INTS2: variants seen among roughly 807,000 people sequenced by gnomAD.
INTS2 encodes the protein KIAA1287.
A neutral mutation model predicts 139.6 loss-of-function variants in INTS2; 57 were observed. That is an observed-to-expected ratio of 0.41 (90% confidence interval 0.33 to 0.51). INTS2 has a LOEUF of 0.51. Ranked by LOEUF, INTS2 falls within the 20% of genes least tolerant of loss-of-function variation. The pLI, the probability that INTS2 is intolerant of heterozygous loss-of-function variation, is 0.28. For synonymous variants in INTS2, 473 were observed against 493.4 expected (o/e 0.96, Z 0.55); for missense variants, 1,196 against 1,436.7 (o/e 0.83, Z 2.71).
At chr17:61,905,245 A>AT (rs914023412) in intron 8 of INTS2, among the ~76,000 whole-genome samples, 4 of 149,670 alleles carry the variant, frequency 2.7e-5, no homozygotes, top group South Asian at 2.1e-4. Context: ...CCAGCCAGGA[A>AT]TTTTTTTTTT....
intron 8 of INTS2, 21 bp downstream of exon 8, chr17:61,907,387 A>G: frequency 6.5e-7 from 1 of 1,536,990 alleles, no homozygotes; most frequent in Non-Finnish European, 8.8e-7. Flanking sequence ...CAAAAAGGTA[A>G]AATATCAAAC....
chr17:61,907,297 G>A (rs2079475736), intron 8 of INTS2, 111 bp downstream of exon 8: 1 of 833,012 alleles, frequency 1.2e-6, no homozygotes, highest in Non-Finnish European at 1.9e-6. Context: ...CACTACCTGA[G>A]TCCAACAGAA....
Position 61,926,780 on chromosome 17 carries a change from T to C in INTS2, c.-18-118A>G, listed in dbSNP as rs1483604257. On this transcript the variant is annotated intron_variant, in intron 1 of 24. Coordinates refer to ENST00000251334, the MANE Select transcript of INTS2 (RefSeq NM_001351695.2). ...TTAATAGGTCCCTATGTTGGCAATG[T>C]TCCTGGCACAATCAAGACAAGGCTT... is the stretch of plus-strand genomic sequence containing the variant. The C allele has an allele frequency of 3.2e-5, 25 of 781,082 alleles. No homozygotes were observed. In the Admixed American group the frequency reaches 4.7e-4, roughly 15 times the overall value. The allele number at this position is 781,082 out of a possible 1,614,324, so 48.4% of individuals were successfully genotyped here.
At chr17:61,895,475 TAAATGTTC>T in intron 11 of INTS2, 92 bp from the exon 12 acceptor site, 1 of 689,342 alleles carries the variant, frequency 1.5e-6, no homozygotes, top group Non-Finnish European at 2.4e-6. Context: ...ATGATACACA[TAAATGTTC>T]AAATGTTCAA....
At chr17:61,883,686 A>G (rs963089204) in intron 16 of INTS2, among the ~76,000 whole-genome samples, 11 of 151,926 alleles carry the variant, frequency 7.2e-5, no homozygotes, top group Non-Finnish European at 1.5e-4. Flanking sequence ...TGGGAGAAGA[A>G]AGTTGAAGTG....
chr17:61,913,665 A>T (rs1464863612), intron 5 of INTS2, among the ~76,000 whole-genome samples: 2 of 152,078 alleles, frequency 1.3e-5, no homozygotes, highest in African/African-American at 4.8e-5. Flanking sequence ...AAAATTTTAT[A>T]CCCTTTGAAA....
In INTS2 at chr17:61,926,439, C is replaced by A; in HGVS notation, c.206G>T (p.Gly69Val). The A allele has an allele frequency of 1.2e-6, 2 of 1,613,972 alleles. No individual in the cohort carries two copies. The highest frequency in any genetic ancestry group is 1.7e-6 in the Non-Finnish European group (2 of 1,179,874). Residue 69 changes from glycine (G) to valine (V), a missense_variant, in exon 2 of 25, where the codon GGA (glycine) becomes GTA (valine). This residue lies in a region of INTS2 where 31 missense variants were observed against 64.8 expected (regional missense o/e 0.48). Transcript: ENST00000251334. ...AACAATGGAGTTGACAGCTTCCACT[C>A]CAGAAAGAAGGCGAAGGATGAGTTT... The part of the protein sequence containing the change: ...DKKLILRLLS[G>V]VEAVNSIVAL...
rs1327260889 is a variant in INTS2 at position 61,926,449 on chromosome 17, G to T, written c.196C>A (p.Leu66Ile). 6.2e-7 allele frequency: 1 copy of T among 1,613,992 alleles called. No homozygotes were observed. The highest frequency in any genetic ancestry group is 2.2e-5 in the East Asian group (1 of 44,886). Residue 66 changes from leucine to isoleucine, a missense_variant, in exon 2 of 25, where the codon CTT (leucine) becomes ATT (isoleucine). Around this residue, in one of 3 missense-constraint regions of INTS2, gnomAD observed 31 missense variants for 64.8 expected, o/e 0.48. Transcript: ENST00000251334. ...TTGACAGCTTCCACTCCAGAAAGAA[G>T]GCGAAGGATGAGTTTCTTATCCTGA... ...WAQDKKLILRLLSGVEAVNSI... is the reference protein window; with the variant it reads ...WAQDKKLILRILSGVEAVNSI...
At position 61,897,683 on chromosome 17, in the gene INTS2, T is replaced by G; in HGVS notation, c.1364A>C (p.Glu455Ala). The change falls in exon 10 of 25, where the codon GAA becomes GCA. Residue 455 changes from glutamate (E) to alanine (A), a missense_variant. By Grantham distance (107) the Glu-to-Ala change is moderately radical. Transcript: ENST00000251334. This position sits in a 1 kb window ranked among gnomAD's most constrained non-coding sequence, Gnocchi z 4.4. ...ATTATCTTACCTCTCAAAATACGCT[T>G]CTTCTTTTATCATCCAACTTAGCCA... is the stretch of plus-strand genomic sequence containing the variant. Reference protein sequence around the residue: ...VVWLSWMIKEEAYFESTSGVS... With the variant: ...VVWLSWMIKEAAYFESTSGVS... The G allele has an allele frequency of 3.1e-6, 5 of 1,606,790 alleles. No individual in the cohort carries two copies. Among genetic ancestry groups the G allele is most frequent in the Non-Finnish European group, 4.3e-6 (5 of 1,176,272 alleles).
intron 19 of INTS2, among the ~76,000 whole-genome samples, chr17:61,874,379 TATC>T (rs1321473484): frequency 6.6e-6 from 1 of 152,210 alleles, no homozygotes; most frequent in Non-Finnish European, 1.5e-5. Context: ...TGATAGTACT[TATC>T]ATAACAAGTG....
In INTS2 at chr17:61,897,437, T is replaced by G; in HGVS notation, c.1494+32A>C. On this transcript the variant is annotated intron_variant, in intron 11 of 24. Coordinates refer to ENST00000251334, the MANE Select transcript of INTS2 (RefSeq NM_001351695.2). The surrounding 1 kb of genome is among the most constrained non-coding windows in gnomAD (Gnocchi z 4.4). ...AAATGTCCAGCTTAGAAACACCTTT[T>G]TTTTTTTAGAAAGAAGTTAAAAGAA... 1 of 1,337,938 alleles carries G rather than the reference T, an allele frequency of 7.5e-7. No homozygotes were observed. The highest frequency in any genetic ancestry group is 1.5e-5 in the African/African-American group (1 of 67,142). The allele number at this position is 1,337,938 out of a possible 1,614,324, so 82.9% of individuals were successfully genotyped here. A position where few individuals can be genotyped will look rare whatever the true frequency, so the allele number is the denominator to read the frequency against.
At position 61,909,488 on chromosome 17, in the gene INTS2, T is replaced by C. The variant is rs2079500491; in HGVS notation, c.955-1854A>G. 6.6e-6 allele frequency among the ~76,000 whole-genome samples: 1 copy of C among 152,276 alleles called. No homozygotes were observed. Among genetic ancestry groups the C allele is most frequent in the Non-Finnish European group, 1.5e-5 (1 of 68,022 alleles). On this transcript the variant is annotated intron_variant, in intron 7 of 24. Transcript: ENST00000251334. The surrounding 1 kb of genome is among the most constrained non-coding windows in gnomAD (Gnocchi z 4.9). ...ATCTATTGCATAGAAGTCTGGGCTG[T>C]TGGTGTAGTCATCACCCTGATAGTA...
In INTS2 at chr17:61,926,347, A is replaced by G; in HGVS notation, c.293+5T>C. The G allele has an allele frequency of 3.2e-6, 5 of 1,579,990 alleles. No homozygotes were observed. Among genetic ancestry groups the G allele is most frequent in the Non-Finnish European group, 4.3e-6 (5 of 1,159,216 alleles). On this transcript the variant is annotated splice_donor_5th_base_variant and intron_variant, in intron 2 of 24. Transcript: ENST00000251334. ...AAATCCACATATAATATAACATAACATTACCTAAGCTGCTGTTCTTTGCTG... is the reference window on the plus strand; with the variant it reads ...AAATCCACATATAATATAACATAACGTTACCTAAGCTGCTGTTCTTTGCTG...
At chr17:61,918,492 T>A (rs768199387) in intron 5 of INTS2, among the ~76,000 whole-genome samples, 29 of 152,094 alleles carry the variant, frequency 1.9e-4, no homozygotes, top group Non-Finnish European at 3.1e-4. Flanking sequence ...TGCACCCACC[T>A]CGGCCTCCCC....
intron 15 of INTS2, among the ~76,000 whole-genome samples, chr17:61,889,011 C>A (rs1439074972): frequency 1.4e-5 from 2 of 141,090 alleles, no homozygotes; most frequent in Non-Finnish European, 3.0e-5. Flanking sequence ...GGCAACAGAG[C>A]AAGACTGTCA....
At chr17:61,889,764 C>T (rs756621260) in intron 15 of INTS2, 22 bp downstream of exon 15, 2 of 1,202,920 alleles carry the variant, frequency 1.7e-6, no homozygotes, top group Non-Finnish European at 2.4e-6. Flanking sequence ...CCACTAGAAC[C>T]ACTCCTCTAC....
In INTS2 at chr17:61,866,450, G is replaced by A. The variant is rs1335757882; in HGVS notation, c.*1107C>T. 2.0e-5 allele frequency: 3 copies of A among 151,868 alleles called. No homozygotes were observed. The highest frequency in any genetic ancestry group is 4.4e-5 in the Non-Finnish European group (3 of 67,986). 9.4% of individuals were successfully genotyped at this position (151,868 alleles called of 1,614,324 possible). A position where few individuals can be genotyped will look rare whatever the true frequency, so the allele number is the denominator to read the frequency against. On this transcript the variant is annotated 3_prime_UTR_variant, in exon 25 of 25. Coordinates refer to ENST00000251334, the MANE Select transcript of INTS2 (RefSeq NM_001351695.2). ...AGGTATATCTCAGAGAGAAAAAAGG[G>A]AATTACTTTCTACATTGATAATTTT...
intron 15 of INTS2, among the ~76,000 whole-genome samples, chr17:61,888,907 C>A (rs1395509447): frequency 2.0e-5 from 3 of 152,014 alleles, no homozygotes; most frequent in African/African-American, 7.2e-5. Flanking sequence ...CGCCTGTAGT[C>A]CCAGCTACGC....
chr17:61,895,249 C>G (rs2079335322), intron 12 of INTS2, 66 bp downstream of exon 12: 9 of 864,858 alleles, frequency 1.0e-5, no homozygotes, highest in Non-Finnish European at 1.6e-5. Context: ...GTAAGACACA[C>G]AAGTTTTCTC....
Sources: gnomAD v4.1 joint callset for allele counts (sites outside exome capture counted in the v4.1 genomes callset) on GRCh38, gnomAD v4.1.1 for gene constraint, gnomAD v4.1.1 regional missense constraint, Gnocchi (gnomAD v3.1) non-coding constraint, MANE v1.5 for transcripts, NCBI Gene and HGNC (gene_info 2026-07-23, HGNC 2026-07-21) for gene names.